The following DCPS variants were observed in gnomAD, a reference collection of about 807,000 sequenced individuals.
DCPS encodes the protein m7GpppX diphosphatase.
Under a neutral mutation model 34.7 loss-of-function variants are expected in DCPS, and 27 were observed. The observed-to-expected ratio is 0.78, with a 90% confidence interval of 0.57 to 1.07. DCPS has a LOEUF of 1.07. Among genes scored for constraint, DCPS ranks in the 50% least tolerant of loss-of-function variants. DCPS has a pLI of 0.00. For synonymous variants in DCPS, 185 were observed against 185.7 expected (o/e 1.00, Z 0.03); for missense variants, 464 against 436.9 (o/e 1.06, Z -0.55).
chr11:126,309,852 CTCT>C (rs1230694130), intron 2 of DCPS, among the ~76,000 whole-genome samples: 3 of 152,194 alleles, frequency 2.0e-5, no homozygotes, highest in South Asian at 2.1e-4. Flanking sequence ...TCTCTGTCTC[CTCT>C]TCTTCTTTTC....
rs1287208009 is a variant in DCPS, at chr11:126,342,810, T to G, written c.637-497T>G. 3.3e-5 allele frequency among the ~76,000 whole-genome samples: 5 copies of G among 152,162 alleles called. No individual in the cohort carries two copies. Among genetic ancestry groups the G allele is most frequent in the Non-Finnish European group, 5.9e-5 (4 of 68,018 alleles). On this transcript the variant is annotated intron_variant, in intron 4 of 5. Coordinates refer to ENST00000263579, the MANE Select transcript of DCPS (RefSeq NM_014026.6). This position sits in a 1 kb window ranked among gnomAD's most constrained non-coding sequence, Gnocchi z 4.4. ...ATATAGAACTCTCTGCTGGGCGCGG[T>G]GGCTCACGCCTGTAATCCCAGCACT...
At position 126,333,407 on chromosome 11, in the gene DCPS, T is replaced by C. The variant is rs1334117781; in HGVS notation, c.522+1857T>C. ...GATCTTCACAGTGTAACAGGGAAGA[T>C]AGACTTGTAAACGGGCAATTGTGAC... On this transcript the variant is annotated intron_variant, in intron 3 of 5. Coordinates refer to ENST00000263579, the MANE Select transcript of DCPS (RefSeq NM_014026.6). This position sits in a 1 kb window ranked among gnomAD's most constrained non-coding sequence, Gnocchi z 5.7. Among the ~76,000 whole-genome samples, 2 of 152,140 alleles carry C rather than the reference T, an allele frequency of 1.3e-5. No homozygotes were observed. The highest frequency in any genetic ancestry group is 2.4e-5 in the African/African-American group (1 of 41,432).
In DCPS at chr11:126,313,608, T is replaced by A. The variant is rs911124633; in HGVS notation, c.376+6864T>A. Among the ~76,000 whole-genome samples the A allele has an allele frequency of 5.3e-5, 8 of 152,020 alleles. No individual in the cohort carries two copies. The highest frequency in any genetic ancestry group is 1.2e-4 in the Non-Finnish European group (8 of 68,004). On this transcript the variant is annotated intron_variant, in intron 2 of 5. Transcript: ENST00000263579. This position sits in a 1 kb window ranked among gnomAD's most constrained non-coding sequence, Gnocchi z 4.9. ...TGGTGCGATTAAAATGGTACAAAGT[T>A]GAAAAACAAGCAGAACTGAACAATA...
At chr11:126,341,277 A>G (rs528294295) in intron 4 of DCPS, 69 of 152,336 alleles carry the variant, frequency 4.5e-4, no homozygotes, top group African/African-American at 1.6e-3. Flanking sequence ...GTAAAAAGAG[A>G]CTGACGATGT....
intron 2 of DCPS, among the ~76,000 whole-genome samples, chr11:126,309,353 C>G (rs748847394): frequency 2.6e-5 from 4 of 152,110 alleles, no homozygotes; most frequent in Non-Finnish European, 4.4e-5. Context: ...CCTCAGTATC[C>G]ACTGGGGATT....
At chr11:126,304,972 C>T (rs971805698) in intron 1 of DCPS, among the ~76,000 whole-genome samples, 2 of 152,190 alleles carry the variant, frequency 1.3e-5, no homozygotes, top group African/African-American at 4.8e-5. Context: ...TCCCCAGAAA[C>T]TAGTGAGGAG....
Position 126,349,842 on chromosome 11 carries a change from T to C in DCPS, c.*4229T>C, listed in dbSNP as rs564145790. On this transcript the variant is annotated 3_prime_UTR_variant, in exon 6 of 6. Transcript: ENST00000263579. The surrounding 1 kb of genome is among the most constrained non-coding windows in gnomAD (Gnocchi z 5.4). ...AAATAAATGTTGGCAACCCTAAGTT[T>C]GTTCTATTATAATATTATTGAAATT... 2.5e-3 allele frequency among the ~76,000 whole-genome samples: 387 copies of C among 152,396 alleles called. 3 individuals are homozygous for C. The highest frequency in any genetic ancestry group is 3.9e-3 in the Non-Finnish European group (266 of 68,042).
At position 126,333,727 on chromosome 11, in the gene DCPS, C is replaced by T. The variant is rs1048494125; in HGVS notation, c.522+2177C>T. ...GGTAGGCAGGGGCCAGGCGGAGGCA[C>T]GTGGACTTTGTCCAGGGGGCCAGGA... On this transcript the variant is annotated intron_variant, in intron 3 of 5. Transcript: ENST00000263579. This position sits in a 1 kb window ranked among gnomAD's most constrained non-coding sequence, Gnocchi z 5.7. Among the ~76,000 whole-genome samples the T allele has an allele frequency of 3.3e-5, 5 of 152,176 alleles. No individual in the cohort carries two copies. Among genetic ancestry groups the T allele is most frequent in the African/African-American group, 4.8e-5 (2 of 41,442 alleles).
Position 126,323,442 on chromosome 11 carries a change from CT to C in DCPS, c.377-7960del, listed in dbSNP as rs1243386876. 6.6e-6 allele frequency among the ~76,000 whole-genome samples: 1 copy of C among 152,056 alleles called. No homozygotes were observed. The highest frequency in any genetic ancestry group is 1.5e-5 in the Non-Finnish European group (1 of 68,012). On this transcript the variant is annotated intron_variant, in intron 2 of 5. Transcript: ENST00000263579. This position sits in a 1 kb window ranked among gnomAD's most constrained non-coding sequence, Gnocchi z 4.4. ...GCATGTATTTTTCAAAGCAGGTGTA[CT>C]TTAATGGTTAAAAAAATACACATGA... is the stretch of plus-strand genomic sequence containing the variant.
In DCPS at chr11:126,329,848, A is replaced by G. The variant is rs1565376878; in HGVS notation, c.377-1557A>G. Reference sequence around the variant, plus strand: ...TTGCGGTGTGTGAGTGAGTATGAGGACTTCGTGGTGGTGAAATGTGCCCGC... The same window carrying G: ...TTGCGGTGTGTGAGTGAGTATGAGGGCTTCGTGGTGGTGAAATGTGCCCGC... On this transcript the variant is annotated intron_variant, in intron 2 of 5. Coordinates refer to ENST00000263579, the MANE Select transcript of DCPS (RefSeq NM_014026.6). This position sits in a 1 kb window ranked among gnomAD's most constrained non-coding sequence, Gnocchi z 5.0. Among the ~76,000 whole-genome samples, 1 of 152,098 alleles carries G rather than the reference A, an allele frequency of 6.6e-6. No individual in the cohort carries two copies. The highest frequency in any genetic ancestry group is 6.5e-5 in the Admixed American group (1 of 15,272).
At position 126,328,535 on chromosome 11, in the gene DCPS, G is replaced by A. The variant is rs1015370597; in HGVS notation, c.377-2870G>A. Among the ~76,000 whole-genome samples, 2 of 152,130 alleles carry A rather than the reference G, an allele frequency of 1.3e-5. No individual in the cohort carries two copies. The highest frequency in any genetic ancestry group is 1.5e-5 in the Non-Finnish European group (1 of 68,008). The stretch of plus-strand genomic sequence containing the variant: ...GCGGGAGGGGCTGGCTGGGTGAGAC[G>A]CCAGTTTCCCTGCACCCTGGGTGGC... On this transcript the variant is annotated intron_variant, in intron 2 of 5. Coordinates refer to ENST00000263579, the MANE Select transcript of DCPS (RefSeq NM_014026.6). This position sits in a 1 kb window ranked among gnomAD's most constrained non-coding sequence, Gnocchi z 6.6.
In DCPS at chr11:126,322,857, C is replaced by G. The variant is rs1245169820; in HGVS notation, c.377-8548C>G. Reference sequence around the variant, plus strand: ...CAAAAAAATTTTTTTGAGACAATGTCTCACTTTGTTGCCAGGTTGGAGTCC... The same window carrying G: ...CAAAAAAATTTTTTTGAGACAATGTGTCACTTTGTTGCCAGGTTGGAGTCC... On this transcript the variant is annotated intron_variant, in intron 2 of 5. Transcript: ENST00000263579. The surrounding 1 kb of genome is among the most constrained non-coding windows in gnomAD (Gnocchi z 4.2). Among the ~76,000 whole-genome samples, 1 of 152,180 alleles carries G rather than the reference C, an allele frequency of 6.6e-6. No individual in the cohort carries two copies. The highest frequency in any genetic ancestry group is 2.4e-5 in the African/African-American group (1 of 41,442).
Position 126,329,580 on chromosome 11 carries a change from G to A in DCPS, c.377-1825G>A, listed in dbSNP as rs1282676761. On this transcript the variant is annotated intron_variant, in intron 2 of 5. Transcript: ENST00000263579. The surrounding 1 kb of genome is among the most constrained non-coding windows in gnomAD (Gnocchi z 5.0). ...GCCACGTGCCTGGTATGTCATCTCT[G>A]TGCATCCCCACTGGGACTTGGAAGT... 6.6e-6 allele frequency among the ~76,000 whole-genome samples: 1 copy of A among 152,194 alleles called. No homozygotes were observed. The highest frequency in any genetic ancestry group is 2.4e-5 in the African/African-American group (1 of 41,448).
rs1951695849 is a variant in DCPS, at chr11:126,320,391, G to A, written c.377-11014G>A. Among the ~76,000 whole-genome samples the A allele has an allele frequency of 6.6e-6, 1 of 152,182 alleles. No individual in the cohort carries two copies. The highest frequency in any genetic ancestry group is 2.4e-5 in the African/African-American group (1 of 41,436). On this transcript the variant is annotated intron_variant, in intron 2 of 5. Coordinates refer to ENST00000263579, the MANE Select transcript of DCPS (RefSeq NM_014026.6). This position sits in a 1 kb window ranked among gnomAD's most constrained non-coding sequence, Gnocchi z 4.7. ...AAGTAAAGCATCATAAGGGAGACAG[G>A]AGGACAGGGACATGGGCTTCTAGTG...
intron 1 of DCPS, among the ~76,000 whole-genome samples, chr11:126,306,219 A>G (rs1951563672): frequency 6.6e-6 from 1 of 152,056 alleles, no homozygotes; most frequent in African/African-American, 2.4e-5. Flanking sequence ...CTAAAAATAC[A>G]AAAATTAGCC....
rs1951713217 is a variant in DCPS at position 126,322,287 on chromosome 11, A to T, written c.377-9118A>T. ...TTATTTATTTTTATTTTTTTGAGACAGAGTCTCACTTTGTCGCCCAGGCTG... is the reference window on the plus strand; with the variant it reads ...TTATTTATTTTTATTTTTTTGAGACTGAGTCTCACTTTGTCGCCCAGGCTG... On this transcript the variant is annotated intron_variant, in intron 2 of 5. Coordinates refer to ENST00000263579, the MANE Select transcript of DCPS (RefSeq NM_014026.6). The surrounding 1 kb of genome is among the most constrained non-coding windows in gnomAD (Gnocchi z 4.2). Among the ~76,000 whole-genome samples the T allele has an allele frequency of 6.6e-6, 1 of 152,088 alleles. No homozygotes were observed. Among genetic ancestry groups the T allele is most frequent in the Admixed American group, 6.6e-5 (1 of 15,258 alleles).
intron 5 of DCPS, 22 bp downstream of exon 5, chr11:126,343,439 C>G: frequency 6.3e-7 from 1 of 1,576,008 alleles, no homozygotes; most frequent in Non-Finnish European, 8.7e-7. Flanking sequence ...CACCAAACCA[C>G]GTGGAAGCTC....
Position 126,315,760 on chromosome 11 carries a change from A to C in DCPS, c.376+9016A>C, listed in dbSNP as rs1951651906. 6.6e-6 allele frequency among the ~76,000 whole-genome samples: 1 copy of C among 151,926 alleles called. No homozygotes were observed. Among genetic ancestry groups the C allele is most frequent in the Non-Finnish European group, 1.5e-5 (1 of 68,016 alleles). ...GAGACAGTCTCAGTCTGTTGTCCAG[A>C]CTGGAATACAGTGGTACCTCTCAGC... On this transcript the variant is annotated intron_variant, in intron 2 of 5. Transcript: ENST00000263579. This position sits in a 1 kb window ranked among gnomAD's most constrained non-coding sequence, Gnocchi z 6.1.
Position 126,328,534 on chromosome 11 carries a change from C to T in DCPS, c.377-2871C>T, listed in dbSNP as rs187734238. 9.3e-4 allele frequency among the ~76,000 whole-genome samples: 141 copies of T among 152,248 alleles called. No individual in the cohort carries two copies. Among genetic ancestry groups the T allele is most frequent in the Middle Eastern group, 6.8e-3 (2 of 294 alleles). On this transcript the variant is annotated intron_variant, in intron 2 of 5. Coordinates refer to ENST00000263579, the MANE Select transcript of DCPS (RefSeq NM_014026.6). This position sits in a 1 kb window ranked among gnomAD's most constrained non-coding sequence, Gnocchi z 6.6. Reference sequence around the variant, plus strand: ...GGCGGGAGGGGCTGGCTGGGTGAGACGCCAGTTTCCCTGCACCCTGGGTGG... The same window carrying T: ...GGCGGGAGGGGCTGGCTGGGTGAGATGCCAGTTTCCCTGCACCCTGGGTGG...
Sources: gnomAD v4.1 joint callset for allele counts (sites outside exome capture counted in the v4.1 genomes callset) on GRCh38, gnomAD v4.1.1 for gene constraint, Gnocchi (gnomAD v3.1) non-coding constraint, MANE v1.5 for transcripts, NCBI Gene and HGNC (gene_info 2026-07-23, HGNC 2026-07-21) for gene names.